Variants in SIRPG observed in about 807,000 individuals in gnomAD.
SIRPG encodes signal-regulatory protein gamma.
A neutral mutation model predicts 35.7 loss-of-function variants in SIRPG; 38 were observed. That is an observed-to-expected ratio of 1.06 (90% confidence interval 0.82 to 1.40). The LOEUF is 1.40. Among genes scored for constraint, SIRPG ranks in the 40% most tolerant of loss-of-function variants. The pLI is 0.00. For missense variants in SIRPG, 519 were observed against 483.0 expected (o/e 1.07, Z -0.70); for synonymous variants, 215 against 190.4 (o/e 1.13, Z -1.06).
chr20:1,651,804 C>G (rs142532556), intron 1 of SIRPG, among the ~76,000 whole-genome samples: 1 of 152,044 alleles, frequency 6.6e-6, no homozygotes, highest in African/African-American at 2.4e-5. Context: ...CCAAGACTCT[C>G]TATCCTAAAA....
the SIRPG span, among the ~76,000 whole-genome samples, chr20:1,673,132 C>T: frequency 6.6e-6 from 1 of 152,292 alleles, no homozygotes; most frequent in South Asian, 2.1e-4. Context: ...TTAACCTGCT[C>T]CCTAACATGT....
At chr20:1,655,121 G>C (rs187863060) in intron 1 of SIRPG, among the ~76,000 whole-genome samples, 5 of 152,136 alleles carry the variant, frequency 3.3e-5, no homozygotes, top group African/African-American at 1.2e-4. Context: ...CAGTATGCAG[G>C]TTCCTCAAGA....
chr20:1,633,718 A>C (rs1412459100), intron 4 of SIRPG: 1 of 152,194 alleles, frequency 6.6e-6, no homozygotes, highest in Non-Finnish European at 1.5e-5. Flanking sequence ...TAACCACCAT[A>C]AGGTATGTGG....
In SIRPG at chr20:1,654,202, G is replaced by C. The variant is rs1369495760; in HGVS notation, c.73+3440C>G. Among the ~76,000 whole-genome samples, 3 of 149,336 alleles carry C rather than the reference G, an allele frequency of 2.0e-5. No individual in the cohort carries two copies. In the East Asian group the frequency reaches 5.9e-4, roughly 29 times the overall value. On this transcript the variant is annotated intron_variant, in intron 1 of 5. Coordinates refer to ENST00000303415, the MANE Select transcript of SIRPG (RefSeq NM_018556.4). ...TGCAGTGAGCTGAGATCACACCACT[G>C]CACTCCAGACTGGCGACAGAGCAAG... is the stretch of plus-strand genomic sequence containing the variant.
At chr20:1,644,091 T>C (rs2091878154) in intron 2 of SIRPG, among the ~76,000 whole-genome samples, 2 of 152,174 alleles carry the variant, frequency 1.3e-5, no homozygotes, top group Non-Finnish European at 2.9e-5. Flanking sequence ...ACTTTGACTG[T>C]CCCTTGGTGG....
chr20:1,649,567 A>G (rs2091924133), intron 1 of SIRPG, among the ~76,000 whole-genome samples, 159 bp from the exon 2 acceptor site: 1 of 150,684 alleles, frequency 6.6e-6, no homozygotes, highest in Non-Finnish European at 1.5e-5. Flanking sequence ...CCCTCACAAC[A>G]TGCCTATAAC....
the SIRPG span, chr20:1,665,538 C>T: frequency 2.6e-5 from 4 of 152,234 alleles, no homozygotes; most frequent in Non-Finnish European, 5.9e-5. Flanking sequence ...TGGATCCAAC[C>T]CAAGGCAGAA....
the SIRPG span, chr20:1,676,747 T>C: frequency 4.9e-6 from 1 of 202,766 alleles, no homozygotes; most frequent in Non-Finnish European, 1.0e-5. Flanking sequence ...GATTAATTCG[T>C]GGCCTGGTCC....
chr20:1,659,212 C>A (rs1490215491), upstream of SIRPG, among the ~76,000 whole-genome samples: 1 of 152,220 alleles, frequency 6.6e-6, no homozygotes, highest in East Asian at 1.9e-4. Context: ...GAAATGATTT[C>A]TCTTCCAGCA....
chr20:1,660,977 G>A (rs2091994341), upstream of SIRPG, among the ~76,000 whole-genome samples: 1 of 152,086 alleles, frequency 6.6e-6, no homozygotes, highest in South Asian at 2.1e-4. Flanking sequence ...ACAACGGAGA[G>A]AATAATCATA....
At chr20:1,630,529 G>A in intron 4 of SIRPG, 1 of 516,946 alleles carries the variant, frequency 1.9e-6, no homozygotes, top group Middle Eastern at 5.2e-4. Flanking sequence ...TTCTCCTGGA[G>A]GGAAGAGGTG....
At chr20:1,630,328 G>C (rs1337203297) in intron 4 of SIRPG, 22 bp from the exon 5 acceptor site, 2 of 1,540,666 alleles carry the variant, frequency 1.3e-6, no homozygotes, top group South Asian at 2.4e-5. Flanking sequence ...GGAAGACGAG[G>C]GGCTATGAGA....
chr20:1,668,194 TTTTC>T, the SIRPG span, among the ~76,000 whole-genome samples: 957 of 117,702 alleles, frequency 8.1e-3, 19 homozygotes, highest in African/African-American at 0.027. Flanking sequence ...TTTCTTTTTC[TTTTC>T]TTTTCTTTCT....
chr20:1,673,217 C>T, the SIRPG span, among the ~76,000 whole-genome samples: 128 of 152,020 alleles, frequency 8.4e-4, 2 homozygotes, highest in Non-Finnish European at 1.4e-3. Context: ...ACCAGCATGG[C>T]GACCCTAACG....
At chr20:1,648,278 T>C (rs1477847420) in intron 2 of SIRPG, 1 of 152,208 alleles carries the variant, frequency 6.6e-6, no homozygotes, top group African/African-American at 2.4e-5. Context: ...CCAGCTCTGC[T>C]CAGAGCCCAC....
chr20:1,630,087 C>T, intron 5 of SIRPG, 135 bp downstream of exon 5: 2 of 682,556 alleles, frequency 2.9e-6, no homozygotes, highest in Non-Finnish European at 5.1e-6. Context: ...TTAAAGGGTT[C>T]CCCAAGACTT....
At chr20:1,670,457 T>C in the SIRPG span, among the ~76,000 whole-genome samples, 3 of 152,204 alleles carry the variant, frequency 2.0e-5, no homozygotes, top group Admixed American at 1.3e-4. Flanking sequence ...TGGTAGCTCC[T>C]ACTAGGCTAA....
At chr20:1,659,320 G>A (rs2091990032), upstream of SIRPG, among the ~76,000 whole-genome samples, 1 of 152,212 alleles carries the variant, frequency 6.6e-6, no homozygotes, top group Non-Finnish European at 1.5e-5. Flanking sequence ...AATTGTAAAT[G>A]TTATCATGTT....
At chr20:1,669,931 G>A in the SIRPG span, 27,075 of 209,710 alleles carry the variant, frequency 0.13, 2,012 homozygotes, top group Non-Finnish European at 0.16. Context: ...TGGCCTCTGA[G>A]CTCTGCTCCT....
Sources: gnomAD v4.1 joint callset for allele counts (sites outside exome capture counted in the v4.1 genomes callset) on GRCh38, gnomAD v4.1.1 for gene constraint, MANE v1.5 for transcripts, NCBI Gene and HGNC (gene_info 2026-07-23, HGNC 2026-07-21) for gene names.